Variants in ATP7B observed in about 807,000 individuals in gnomAD.
ATP7B encodes the protein ATPase copper transporting beta.
A neutral mutation model predicts 118.9 loss-of-function variants in ATP7B; 113 were observed. The ratio of observed to expected loss-of-function variants is 0.95; its 90% CI spans 0.82 to 1.11. ATP7B has a LOEUF of 1.11. Among genes scored for constraint, ATP7B ranks in the 50% most tolerant of loss-of-function variants. The pLI, the probability that ATP7B is intolerant of heterozygous loss-of-function variation, is 0.00. For missense variants in ATP7B, 1,867 were observed against 1,871.4 expected (o/e 1.00, Z 0.04); for synonymous variants, 777 against 727.4 (o/e 1.07, Z -1.10).
chr13:51,957,370 G>C, intron 9 of ATP7B, 146 bp downstream of exon 9: 1 of 853,682 alleles, frequency 1.2e-6, no homozygotes, highest in Non-Finnish European at 1.9e-6. Flanking sequence ...CCTTGCTTTC[G>C]TAGCTGGATT....
At chr13:51,946,191 T>G in intron 13 of ATP7B, 93 bp downstream of exon 13, 3 of 1,488,144 alleles carry the variant, frequency 2.0e-6, no homozygotes, top group Non-Finnish European at 2.7e-6. Flanking sequence ...CACTGCTGTC[T>G]TGAGTGGCTC....
At chr13:51,980,369 TG>T (rs1169258264) in intron 1 of ATP7B, among the ~76,000 whole-genome samples, 2 of 152,188 alleles carry the variant, frequency 1.3e-5, no homozygotes, top group African/African-American at 4.8e-5. Context: ...GAGAAAGGAC[TG>T]GAAGCAGAGG....
chr13:51,984,967 C>A (rs1326243049), intron 1 of ATP7B, among the ~76,000 whole-genome samples: 1 of 152,094 alleles, frequency 6.6e-6, no homozygotes, highest in Non-Finnish European at 1.5e-5. Flanking sequence ...AAAAACATAC[C>A]AAATTGTAAA....
intron 1 of ATP7B, among the ~76,000 whole-genome samples, chr13:51,999,172 A>G (rs1953360995): frequency 6.6e-6 from 1 of 152,200 alleles, no homozygotes; most frequent in Admixed American, 6.5e-5. Flanking sequence ...AGACCAGGAG[A>G]GGAGCACAAG....
chr13:51,935,835 T>C (rs1956928202), intron 19 of ATP7B, 140 bp from the exon 20 acceptor site: 1 of 709,408 alleles, frequency 1.4e-6, no homozygotes, highest in African/African-American at 1.8e-5. Context: ...TGCCAATGGA[T>C]CTTGCCCACA....
At chr13:51,952,813 G>A (rs946587434) in intron 9 of ATP7B, among the ~76,000 whole-genome samples, 11 of 152,202 alleles carry the variant, frequency 7.2e-5, no homozygotes, top group African/African-American at 2.7e-4. Context: ...TATGGCACCT[G>A]TACACAGTAA....
In ATP7B at chr13:51,939,892, A is replaced by G. The variant is rs371013273; in HGVS notation, c.3557-699T>C. On this transcript the variant is annotated intron_variant, in intron 16 of 20. Transcript: ENST00000242839. The stretch of plus-strand genomic sequence containing the variant: ...GTCATGTATTTTATTTCTTGCTTGC[A>G]TATACTGTTACTTCTATTAGCAGAA... Among the ~76,000 whole-genome samples the G allele has an allele frequency of 1.3e-3, 192 of 152,114 alleles. 3 individuals are homozygous for G. Among genetic ancestry groups the G allele is most frequent in the South Asian group, 4.4e-3 (21 of 4,822 alleles).
At chr13:52,004,261 C>CA (rs1474832890) in intron 1 of ATP7B, among the ~76,000 whole-genome samples, 84 of 149,796 alleles carry the variant, frequency 5.6e-4, no homozygotes, top group Non-Finnish European at 3.9e-4. Flanking sequence ...GACTCTGTCT[C>CA]AAAAAAAAAG....
chr13:51,957,996 G>A (rs1241279189), intron 8 of ATP7B: 1 of 475,548 alleles, frequency 2.1e-6, no homozygotes, highest in East Asian at 4.1e-5. Context: ...AGGATGTATG[G>A]ATGTCTAGAC....
In ATP7B at chr13:51,933,164, A is replaced by G. The variant is rs886050297; in HGVS notation, c.*1592T>C. Reference sequence around the variant, plus strand: ...TGGTAGATTTGTTCTTCCAGGAGGCAAGGACCTTTTCCTCGTTTATTCTTA... The same window carrying G: ...TGGTAGATTTGTTCTTCCAGGAGGCGAGGACCTTTTCCTCGTTTATTCTTA... On this transcript the variant is annotated 3_prime_UTR_variant, in exon 21 of 21. Transcript: ENST00000242839. 1.3e-5 allele frequency: 2 copies of G among 152,234 alleles called. No homozygotes were observed. Among genetic ancestry groups the G allele is most frequent in the Admixed American group, 1.3e-4 (2 of 15,288 alleles). The allele number at this position is 152,234 out of a possible 1,614,324, so 9.4% of individuals were successfully genotyped here.
intron 20 of ATP7B, 45 bp from the exon 21 acceptor site, chr13:51,935,074 A>C: frequency 6.2e-7 from 1 of 1,608,976 alleles, no homozygotes; most frequent in Non-Finnish European, 8.5e-7. Flanking sequence ...TCTAGAAACA[A>C]GGCTTTTTTT....
intron 1 of ATP7B, among the ~76,000 whole-genome samples, chr13:51,991,003 G>A (rs1313316184): frequency 1.3e-5 from 2 of 152,018 alleles, no homozygotes; most frequent in Non-Finnish European, 2.9e-5. Context: ...CAGAAGAATC[G>A]CTTGAGCCTG....
intron 1 of ATP7B, 41 bp downstream of exon 1, chr13:52,011,246 G>A (rs1954018894): frequency 6.2e-7 from 1 of 1,613,944 alleles, no homozygotes; most frequent in African/African-American, 1.3e-5. Context: ...CCTCCTGGTG[G>A]GAGTGAGCAC....
chr13:52,000,841 T>C (rs939341975), intron 1 of ATP7B, among the ~76,000 whole-genome samples: 1 of 152,082 alleles, frequency 6.6e-6, no homozygotes, highest in Admixed American at 6.6e-5. Context: ...GGCAACATAG[T>C]GAGACACCAT....
In ATP7B at chr13:51,970,744, A is replaced by C. The variant is rs145173864; in HGVS notation, c.1291T>G (p.Cys431Gly). The change falls in exon 3 of 21, where the codon TGT (cysteine) becomes GGT (glycine). Residue 431 changes from cysteine (C) to glycine (G), a missense_variant. By Grantham distance (159) the Cys-to-Gly change is radical. Transcript: ENST00000242839. ...GFEASVVSES[C>G]STNPLGNHSA... ...TGGTTTCCAAGAGGGTTAGTAGAAC[A>C]GCTTTCTAGGATAAAATGTCAGAAA... 2.1e-5 allele frequency: 34 copies of C among 1,613,640 alleles called. No individual in the cohort carries two copies. Among genetic ancestry groups the C allele is most frequent in the Non-Finnish European group, 2.8e-5 (33 of 1,179,648 alleles).
rs1320358600 is a variant in ATP7B at position 51,944,130 on chromosome 13, T to G, written c.3222A>C (p.Ala1074=). The change falls in exon 14 of 21, where the codon GCA becomes GCC. Residue 1074 remains alanine (A), a synonymous_variant. Coordinates refer to ENST00000242839, the MANE Select transcript of ATP7B (RefSeq NM_000053.4). ...EASSEHPLGV[A]VTKYCKEELG... is the part of the protein sequence containing the mutation. Reference sequence around the variant, plus strand: ...GTACCTCTTTACAGTATTTGGTGACTGCCACGCCCAAGGGGTGTTCACTGC... The same window carrying G: ...GTACCTCTTTACAGTATTTGGTGACGGCCACGCCCAAGGGGTGTTCACTGC... The G allele has an allele frequency of 6.2e-7, 1 of 1,614,008 alleles. No individual in the cohort carries two copies. Among genetic ancestry groups the G allele is most frequent in the African/African-American group, 1.3e-5 (1 of 74,900 alleles).
chr13:52,009,461 TATAACCTGATTTACAACC>T (rs928587461), intron 1 of ATP7B, among the ~76,000 whole-genome samples: 2 of 152,190 alleles, frequency 1.3e-5, no homozygotes, highest in African/African-American at 4.8e-5. Flanking sequence ...CTCTCCCTCC[TATAACCTGATTTACAACC>T]ATAACCTGTT....
In ATP7B at chr13:51,977,119, C is replaced by T. The variant is rs1260366320; in HGVS notation, c.52-1951G>A. Among the ~76,000 whole-genome samples the T allele has an allele frequency of 4.6e-5, 7 of 152,272 alleles. No homozygotes were observed. In the South Asian group the frequency reaches 1.2e-3, roughly 27 times the overall value. Reference sequence around the variant, plus strand: ...TCAAGGTTACAGTGAGCTATGATTGCACCACTGTACTCTAGCCTGGGAGAC... The same window carrying T: ...TCAAGGTTACAGTGAGCTATGATTGTACCACTGTACTCTAGCCTGGGAGAC... On this transcript the variant is annotated intron_variant, in intron 1 of 20. Transcript: ENST00000242839.
intron 17 of ATP7B, among the ~76,000 whole-genome samples, chr13:51,938,566 A>C (rs945135014): frequency 1.3e-5 from 2 of 152,206 alleles, no homozygotes; most frequent in African/African-American, 4.8e-5. Flanking sequence ...ATTTCTAGGA[A>C]TCCAAACTGG....
Sources: gnomAD v4.1 joint callset for allele counts (sites outside exome capture counted in the v4.1 genomes callset) on GRCh38, gnomAD v4.1.1 for gene constraint, MANE v1.5 for transcripts, NCBI Gene and HGNC (gene_info 2026-07-23, HGNC 2026-07-21) for gene names.